TMEM132C: variants seen among roughly 807,000 people sequenced by gnomAD.
The protein encoded by TMEM132C is transmembrane protein 132C, also known as protein phosphatase 1, regulatory subunit 152.
TMEM132C carries 29 observed loss-of-function variants against 61.4 expected under a neutral mutation model. The observed-to-expected ratio is 0.47, with a 90% CI of 0.35 to 0.64. The LOEUF (loss-of-function observed/expected upper bound fraction) is 0.64, where lower values mean the gene tolerates loss of function less well. TMEM132C is among the 30% of genes least tolerant of loss of function. The probability of loss-of-function intolerance (pLI) is 0.00; values close to 1 mark genes in which losing one functional copy is unlikely to be tolerated. For synonymous variants in TMEM132C, 656 were observed against 633.1 expected, an observed-to-expected ratio of 1.04 and a Z score of -0.54; for missense variants, 1,408 against 1,476.9, an observed-to-expected ratio of 0.95 and a Z score of 0.76.
chr12:128,518,080 C>G (rs1390042215), intron 2 of TMEM132C, among the ~76,000 whole-genome samples: 1 of 152,196 alleles, frequency 6.6e-6, no homozygotes, highest in Non-Finnish European at 1.5e-5. Flanking sequence ...CCAGCCTTTT[C>G]TCTTTTATTA....
intron 2 of TMEM132C, among the ~76,000 whole-genome samples, chr12:128,488,892 A>G (rs1444694647): frequency 6.6e-6 from 1 of 152,174 alleles, no homozygotes; most frequent in Non-Finnish European, 1.5e-5. Flanking sequence ...GCTTTTATAA[A>G]TAAAATTTTC....
chr12:128,612,760 C>T (rs1413690783), intron 3 of TMEM132C, among the ~76,000 whole-genome samples: 1 of 152,232 alleles, frequency 6.6e-6, no homozygotes, highest in African/African-American at 2.4e-5. Flanking sequence ...GAGGTCACCT[C>T]ACTGCTCACA....
chr12:128,278,370 T>G lies in TMEM132C; in HGVS notation c.85+10883T>G, dbSNP rs771127336. Among the ~76,000 whole-genome samples, 58 of 152,228 alleles carry G rather than the reference T, an allele frequency of 3.8e-4. No homozygotes were observed. Among genetic ancestry groups the G allele is most frequent in the Non-Finnish European group, 5.9e-5 (4 of 68,042 alleles). On this transcript the variant is annotated intron_variant, in intron 1 of 8. Transcript: ENST00000435159. This position sits in a 1 kb window ranked among gnomAD's most constrained non-coding sequence, Gnocchi z 4.2. ...TGAATTGACTGAGAGAGCAGACTTT[T>G]CTCATTTGCCTTCAAACTCAGTGTT...
At chr12:128,485,445 G>T (rs1050194836) in intron 2 of TMEM132C, among the ~76,000 whole-genome samples, 15 of 152,148 alleles carry the variant, frequency 9.9e-5, no homozygotes, top group Admixed American at 9.8e-4. Flanking sequence ...CCAAAGTGCT[G>T]GGATTACAGG....
chr12:128,672,334 C>T (rs548710019), intron 5 of TMEM132C, among the ~76,000 whole-genome samples: 6 of 152,068 alleles, frequency 3.9e-5, no homozygotes, highest in Admixed American at 1.3e-4. Flanking sequence ...ATGAATGTAA[C>T]GTGTTGATAA....
chr12:128,479,770 G>A (rs554259960), intron 2 of TMEM132C, among the ~76,000 whole-genome samples: 7 of 152,272 alleles, frequency 4.6e-5, no homozygotes, highest in South Asian at 4.1e-4. Context: ...TTAAGCAAAC[G>A]TCTTAACTTC....
At chr12:128,492,105 G>GT (rs1871756990) in intron 2 of TMEM132C, among the ~76,000 whole-genome samples, 1 of 152,086 alleles carries the variant, frequency 6.6e-6, no homozygotes, top group Non-Finnish European at 1.5e-5. Context: ...GCGGTGTTTG[G>GT]TTTTTTGTTC....
intron 3 of TMEM132C, among the ~76,000 whole-genome samples, chr12:128,559,154 CAT>C (rs1874429070): frequency 6.6e-6 from 1 of 150,646 alleles, no homozygotes; most frequent in South Asian, 2.1e-4. Context: ...CACACAAACA[CAT>C]ACACACACAA....
intron 1 of TMEM132C, among the ~76,000 whole-genome samples, chr12:128,289,400 C>T (rs910343158): frequency 6.6e-6 from 1 of 152,198 alleles, no homozygotes; most frequent in Non-Finnish European, 1.5e-5. Flanking sequence ...GTCCCTAACT[C>T]CGTGGGGCAC....
intron 4 of TMEM132C, among the ~76,000 whole-genome samples, chr12:128,617,941 C>G (rs183389692): frequency 1.3e-5 from 2 of 152,330 alleles, no homozygotes; most frequent in Non-Finnish European, 1.5e-5. Context: ...TGGGCCACAT[C>G]CAATCTGCTG....
Position 128,326,280 on chromosome 12 carries a change from C to T in TMEM132C, c.85+58793C>T, listed in dbSNP as rs939457933. ...CCCACCACCATCACTCCATGAACCC[C>T]CCAGCCTCCCTGGGCTCTTCTCCGT... On this transcript the variant is annotated intron_variant, in intron 1 of 8. Coordinates refer to ENST00000435159, the MANE Select transcript of TMEM132C (RefSeq NM_001136103.3). This position sits in a 1 kb window ranked among gnomAD's most constrained non-coding sequence, Gnocchi z 5.6. 4.6e-5 allele frequency among the ~76,000 whole-genome samples: 7 copies of T among 152,268 alleles called. No homozygotes were observed. The South Asian group carries it at 8.3e-4, about 18-fold the overall frequency.
At chr12:128,349,715 G>T (rs956469466) in intron 1 of TMEM132C, among the ~76,000 whole-genome samples, 13 of 152,170 alleles carry the variant, frequency 8.5e-5, no homozygotes, top group African/African-American at 2.7e-4. Context: ...TGAAGCTTGT[G>T]TGCCCCAGTT....
chr12:128,365,819 C>T (rs1873848464), intron 1 of TMEM132C, among the ~76,000 whole-genome samples: 1 of 152,176 alleles, frequency 6.6e-6, no homozygotes, highest in African/African-American at 2.4e-5. Context: ...AACTCCCAGC[C>T]CCCTTTGTCC....
chr12:128,293,281 C>CT (rs1871305533), intron 1 of TMEM132C, among the ~76,000 whole-genome samples: 1 of 152,188 alleles, frequency 6.6e-6, no homozygotes, highest in South Asian at 2.1e-4. Context: ...GAAATTGCTG[C>CT]TTGTTCACAA....
intron 4 of TMEM132C, among the ~76,000 whole-genome samples, chr12:128,648,129 T>G (rs866601074): frequency 1.4e-5 from 2 of 138,546 alleles, no homozygotes; most frequent in Admixed American, 7.3e-5. Context: ...TGGAGTCCAT[T>G]AGCGTTGGAT....
At chr12:128,530,684 C>T (rs1873262549) in intron 2 of TMEM132C, among the ~76,000 whole-genome samples, 2 of 152,190 alleles carry the variant, frequency 1.3e-5, no homozygotes, top group South Asian at 4.1e-4. Context: ...ACCTCGTGAT[C>T]CACCCGCCTT....
chr12:128,267,623 C>T (rs549120207), intron 1 of TMEM132C, 136 bp downstream of exon 1: 1 of 719,590 alleles, frequency 1.4e-6, no homozygotes, highest in Admixed American at 5.0e-5. Context: ...AACAGCGCCT[C>T]TGCGGGTGCC....
intron 3 of TMEM132C, among the ~76,000 whole-genome samples, chr12:128,565,482 G>A (rs756355205): frequency 9.2e-5 from 14 of 152,234 alleles, no homozygotes; most frequent in Non-Finnish European, 2.1e-4. Flanking sequence ...AGAATTGCTT[G>A]TATAAACTCT....
Position 128,578,323 on chromosome 12 carries a change from G to T in TMEM132C, c.1121+34220G>T, listed in dbSNP as rs77869889. Among the ~76,000 whole-genome samples the T allele has an allele frequency of 7.4e-3, 1,122 of 152,300 alleles. 4 individuals carry two copies. The highest frequency in any genetic ancestry group is 0.012 in the Non-Finnish European group (843 of 68,024). ...GCCGGCCCCACCTCCCACACTGGTC[G>T]CAGCCTGTATGTCAACATGGATTCT... On this transcript the variant is annotated intron_variant, in intron 3 of 8. Coordinates refer to ENST00000435159, the MANE Select transcript of TMEM132C (RefSeq NM_001136103.3).
Sources: allele counts gnomAD v4.1 joint callset (sites outside exome capture counted in the v4.1 genomes callset), GRCh38; gene constraint gnomAD v4.1.1; non-coding constraint Gnocchi (gnomAD v3.1); transcripts MANE v1.5; gene names NCBI Gene and HGNC (gene_info 2026-07-23, HGNC 2026-07-21).